The following ZNF69 variants were observed in gnomAD, a reference collection of about 807,000 sequenced individuals.
ZNF69 encodes the protein ZNF3.
Under a neutral mutation model 50.9 loss-of-function variants are expected in ZNF69, and 47 were observed. That is an observed-to-expected ratio of 0.92 (90% CI 0.73 to 1.18). ZNF69 has a LOEUF of 1.18. ZNF69 is among the 50% of genes most tolerant of loss of function. The pLI, the probability that ZNF69 is intolerant of heterozygous loss-of-function variation, is 0.00. For synonymous variants in ZNF69, 216 were observed against 223.1 expected (o/e 0.97, Z 0.29); for missense variants, 717 against 675.1 (o/e 1.06, Z -0.69).
chr19:11,935,038 A>G, the ZNF69 span, among the ~76,000 whole-genome samples: 10 of 145,570 alleles, frequency 6.9e-5, no homozygotes, highest in East Asian at 2.1e-4. Flanking sequence ...TTAGCCAGGC[A>G]TGGTGGCGGG....
the ZNF69 span, among the ~76,000 whole-genome samples, chr19:11,941,732 A>G: frequency 6.6e-6 from 1 of 152,192 alleles, no homozygotes; most frequent in African/African-American, 2.4e-5. Context: ...TCAGCCCAGA[A>G]AGGGGCTCCC....
At position 11,906,430 on chromosome 19, in the gene ZNF69, G is replaced by C. The variant is rs904694003; in HGVS notation, c.*332G>C. On this transcript the variant is annotated 3_prime_UTR_variant, in exon 4 of 4. Coordinates refer to ENST00000429654, the MANE Select transcript of ZNF69 (RefSeq NM_001364730.1). Reference sequence around the variant, plus strand: ...CTAACTGGGAGGCACTTCCCAGTAGGGGCCAACTGACACCTCATACGGCCG... The same window carrying C: ...CTAACTGGGAGGCACTTCCCAGTAGCGGCCAACTGACACCTCATACGGCCG... Among the ~76,000 whole-genome samples, 1 of 152,318 alleles carries C rather than the reference G, an allele frequency of 6.6e-6. No individual in the cohort carries two copies. The highest frequency in any genetic ancestry group is 1.9e-4 in the East Asian group (1 of 5,180).
At chr19:11,899,221 A>G (rs1972192120) in intron 1 of ZNF69, among the ~76,000 whole-genome samples, 1 of 152,204 alleles carries the variant, frequency 6.6e-6, no homozygotes, top group Admixed American at 6.5e-5. Flanking sequence ...TGGCCATTTC[A>G]GACTTGCTTC....
chr19:11,950,565 G>C, the ZNF69 span: 2 of 553,150 alleles, frequency 3.6e-6, no homozygotes, highest in Admixed American at 5.0e-5. Flanking sequence ...CTTCAGATGT[G>C]CCTCGCACCT....
chr19:11,919,076 T>C (rs1460839456), downstream of ZNF69, among the ~76,000 whole-genome samples: 2 of 152,122 alleles, frequency 1.3e-5, no homozygotes, highest in African/African-American at 4.8e-5. Flanking sequence ...TTTGTATTTT[T>C]AGTAGAGACG....
At chr19:11,965,735 G>A in the ZNF69 span, among the ~76,000 whole-genome samples, 1 of 152,194 alleles carries the variant, frequency 6.6e-6, no homozygotes, top group African/African-American at 2.4e-5. Flanking sequence ...AAGTTTATTC[G>A]TAGCCAAATA....
At chr19:11,900,073 A>G (rs951834780) in intron 1 of ZNF69, among the ~76,000 whole-genome samples, 6 of 151,398 alleles carry the variant, frequency 4.0e-5, no homozygotes, top group Non-Finnish European at 8.8e-5. Context: ...CCTGACTCAG[A>G]CTCCCAATTA....
the ZNF69 span, chr19:11,949,935 G>A: frequency 6.2e-7 from 1 of 1,612,780 alleles, no homozygotes; most frequent in Non-Finnish European, 8.5e-7. Flanking sequence ...ACCTTCAGAT[G>A]CATGAAAGGA....
At chr19:11,948,519 G>A in the ZNF69 span, 1 of 1,612,126 alleles carries the variant, frequency 6.2e-7, no homozygotes, top group East Asian at 2.2e-5. Flanking sequence ...AGCCATATAA[G>A]TGTCAACAAC....
chr19:11,895,638 A>C (rs1395918712), intron 1 of ZNF69, among the ~76,000 whole-genome samples: 1 of 152,190 alleles, frequency 6.6e-6, no homozygotes, highest in Non-Finnish European at 1.5e-5. Flanking sequence ...CATGGAGGAA[A>C]TGGGAGGAGG....
At chr19:11,927,592 CTGTGCCTA>C in the ZNF69 span, among the ~76,000 whole-genome samples, 1 of 152,086 alleles carries the variant, frequency 6.6e-6, no homozygotes, top group African/African-American at 2.4e-5. Context: ...AATAAACTAC[CTGTGCCTA>C]TGTGCATGTG....
At chr19:11,941,364 G>C in the ZNF69 span, among the ~76,000 whole-genome samples, 1 of 152,234 alleles carries the variant, frequency 6.6e-6, no homozygotes, top group Non-Finnish European at 1.5e-5. Context: ...TCATCGGGGA[G>C]GCTCGGGCCG....
At chr19:11,946,704 TG>T in the ZNF69 span, 1 of 152,760 alleles carries the variant, frequency 6.5e-6, no homozygotes, top group Non-Finnish European at 1.5e-5. Context: ...GTTTTCCTGG[TG>T]TTATAGTAAC....
intron 1 of ZNF69, among the ~76,000 whole-genome samples, chr19:11,891,217 G>C (rs1977077852): frequency 6.6e-6 from 1 of 152,000 alleles, no homozygotes; most frequent in African/African-American, 2.4e-5. Context: ...CTTCTAGTCA[G>C]CAGTTCGAGA....
At chr19:11,888,352 T>G (rs1458380432) in intron 1 of ZNF69, among the ~76,000 whole-genome samples, 1 of 152,226 alleles carries the variant, frequency 6.6e-6, no homozygotes, top group Non-Finnish European at 1.5e-5. Flanking sequence ...GGGCCCCCAG[T>G]GTCCACTTTT....
chr19:11,903,626 T>A lies in ZNF69; in HGVS notation c.117T>A (p.Ala39=), dbSNP rs1237565456. 1 of 1,614,122 alleles carries A rather than the reference T, an allele frequency of 6.2e-7. No individual in the cohort carries two copies. The highest frequency in any genetic ancestry group is 1.1e-5 in the South Asian group (1 of 91,084). ...TGAACTTCACCCAGGAGGAGTGGGCTTTGCTGGATATTTCCCAGAGGAAAC... is the reference window on the plus strand; with the variant it reads ...TGAACTTCACCCAGGAGGAGTGGGCATTGCTGGATATTTCCCAGAGGAAAC... ...VAVNFTQEEW[A]LLDISQRKLY... The change falls in exon 2 of 4, where the codon GCT becomes GCA. Residue 39 remains alanine, a synonymous_variant. Coordinates refer to ENST00000429654, the MANE Select transcript of ZNF69 (RefSeq NM_001364730.1).
chr19:11,956,628 G>C, the ZNF69 span: 1 of 398,332 alleles, frequency 2.5e-6, no homozygotes, highest in Non-Finnish European at 4.4e-6. Context: ...GGCCAAGGCA[G>C]ATGGAGCATC....
the ZNF69 span, among the ~76,000 whole-genome samples, chr19:11,930,956 G>A: frequency 2.1e-5 from 3 of 145,180 alleles, no homozygotes; most frequent in Non-Finnish European, 3.0e-5. Context: ...CCGAGATTGC[G>A]CCATTGCTCT....
chr19:11,888,505 G>A (rs760011345), intron 1 of ZNF69, among the ~76,000 whole-genome samples: 4 of 152,150 alleles, frequency 2.6e-5, no homozygotes, highest in African/African-American at 2.4e-5. Flanking sequence ...AAGTTTATTC[G>A]GAGCCGAATA....
Sources: allele counts gnomAD v4.1 joint callset (sites outside exome capture counted in the v4.1 genomes callset), GRCh38; gene constraint gnomAD v4.1.1; transcripts MANE v1.5; gene names NCBI Gene and HGNC (gene_info 2026-07-23, HGNC 2026-07-21).